Variants in CCNK observed in about 807,000 individuals in gnomAD.
CCNK encodes cyclin K, also known as cyclin-K.
A neutral mutation model predicts 65.0 loss-of-function variants in CCNK; 9 were observed. The observed-to-expected ratio is 0.14, with a 90% CI of 0.08 to 0.24. CCNK has a LOEUF of 0.24. Ranked by LOEUF, CCNK falls within the 10% of genes least tolerant of loss-of-function variation. The pLI is 1.00. For missense variants in CCNK, 474 were observed against 720.0 expected (o/e 0.66, Z 3.91); for synonymous variants, 279 against 270.8 (o/e 1.03, Z -0.30).
In CCNK at chr14:99,483,115, C is replaced by G. The variant is rs139130219; in HGVS notation, c.-53+1636C>G. On this transcript the variant is annotated intron_variant, in intron 1 of 10. Coordinates refer to ENST00000389879, the MANE Select transcript of CCNK (RefSeq NM_001099402.2). Reference sequence around the variant, plus strand: ...AGAATCTGGTAAATGTCTGTTTTCACATAGAACCATTCGATGGCTCTTGGC... The same window carrying G: ...AGAATCTGGTAAATGTCTGTTTTCAGATAGAACCATTCGATGGCTCTTGGC... Among the ~76,000 whole-genome samples the G allele has an allele frequency of 1.4e-4, 22 of 152,268 alleles. 1 individual carries two copies. In the East Asian group the frequency reaches 4.2e-3, roughly 29 times the overall value.
intron 1 of CCNK, among the ~76,000 whole-genome samples, chr14:99,489,379 G>T (rs979284233): frequency 6.6e-6 from 1 of 151,944 alleles, no homozygotes; most frequent in Non-Finnish European, 1.5e-5. Context: ...TTAAAATTTC[G>T]TTGGGGCCAG....
At position 99,510,462 on chromosome 14, in the gene CCNK, C is replaced by T; in HGVS notation, c.1423C>T (p.Pro475Ser). The part of the protein sequence containing the change: ...YGPPAHLPYH[P>S]HVYPPNPPPP... The stretch of plus-strand genomic sequence containing the variant: ...CCCACCTGCACACCTGCCCTACCAC[C>T]CCCATGTCTACCCGCCCAACCCGCC... Residue 475 changes from proline (P) to serine (S), a missense_variant, in exon 11 of 11, where the codon CCC becomes TCC. Pro to Ser is a moderately conservative substitution (Grantham distance 74). Coordinates refer to ENST00000389879, the MANE Select transcript of CCNK (RefSeq NM_001099402.2). The T allele has an allele frequency of 1.3e-6, 2 of 1,522,128 alleles. No individual in the cohort carries two copies. Among genetic ancestry groups the T allele is most frequent in the Non-Finnish European group, 1.8e-6 (2 of 1,130,638 alleles). The allele number at this position is 1,522,128 out of a possible 1,614,324, so 94.3% of individuals were successfully genotyped here. A position where few individuals can be genotyped will look rare whatever the true frequency, so the allele number is the denominator to read the frequency against.
chr14:99,510,154 C>A lies in CCNK; in HGVS notation c.1118-3C>A. ...CGGGCACTGATGCGTCTCTCTCCTG[C>A]AGACCGGAAGCCTCCCCTCGCTGCT... On this transcript the variant is annotated splice_polypyrimidine_tract_variant and splice_region_variant and intron_variant, in intron 10 of 10. Transcript: ENST00000389879. 1 of 1,594,036 alleles carries A rather than the reference C, an allele frequency of 6.3e-7. No homozygotes were observed. The highest frequency in any genetic ancestry group is 8.5e-7 in the Non-Finnish European group (1 of 1,174,058).
intron 1 of CCNK, among the ~76,000 whole-genome samples, chr14:99,485,703 A>T (rs1896467932): frequency 6.6e-6 from 1 of 152,142 alleles, no homozygotes; most frequent in Admixed American, 6.5e-5. Flanking sequence ...CAAAAGAATA[A>T]CCTATTTCCA....
At chr14:99,503,527 A>AT in intron 8 of CCNK, 84 bp from the exon 9 acceptor site, 7 of 1,228,958 alleles carry the variant, frequency 5.7e-6, no homozygotes, top group Non-Finnish European at 6.9e-6. Context: ...GCCGTCGCTG[A>AT]TTCTGGTGGT....
intron 3 of CCNK, 120 bp downstream of exon 3, chr14:99,493,715 GTATATA>G (rs1379233659): frequency 1.3e-5 from 8 of 621,564 alleles, no homozygotes; most frequent in Non-Finnish European, 1.6e-5. Context: ...TTTTTATATG[GTATATA>G]CTGCATATAA....
At chr14:99,497,978 T>G (rs1014387385) in intron 4 of CCNK, among the ~76,000 whole-genome samples, 1 of 152,158 alleles carries the variant, frequency 6.6e-6, no homozygotes, top group Admixed American at 6.5e-5. Context: ...TTTTACTGAG[T>G]AGTGGGGCCC....
chr14:99,496,086 A>G (rs1325197117), intron 4 of CCNK, among the ~76,000 whole-genome samples: 2 of 152,206 alleles, frequency 1.3e-5, no homozygotes, highest in Non-Finnish European at 2.9e-5. Context: ...TTATGCACCC[A>G]GAGCTTGATA....
chr14:99,503,760 G>A (rs888990317), intron 9 of CCNK, 116 bp downstream of exon 9: 2 of 872,040 alleles, frequency 2.3e-6, no homozygotes, highest in Admixed American at 5.4e-5. Context: ...TAACTTTAGA[G>A]CTCATACAAA....
At chr14:99,507,246 A>C in intron 10 of CCNK, 99 bp downstream of exon 10, 2 of 794,168 alleles carry the variant, frequency 2.5e-6, no homozygotes, top group South Asian at 2.7e-5. Context: ...ACTGGGGCCC[A>C]GATTGACAAT....
In CCNK at chr14:99,510,736, G is replaced by T; in HGVS notation, c.1697G>T (p.Gly566Val). ...GTGCCCCCGCCCATTCCCCCACCCGGCATGCCTCCAGTTGGGGGGCTGGGG... is the reference window on the plus strand; with the variant it reads ...GTGCCCCCGCCCATTCCCCCACCCGTCATGCCTCCAGTTGGGGGGCTGGGG... ...PPVPPPIPPP[G>V]MPPVGGLGRA... is the part of the protein sequence containing the mutation. Residue 566 changes from glycine to valine, a missense_variant, in exon 11 of 11, where the codon GGC (glycine) becomes GTC (valine). By Grantham distance (109) the Gly-to-Val change is moderately radical. Transcript: ENST00000389879. The T allele has an allele frequency of 6.9e-7, 1 of 1,450,640 alleles. No individual in the cohort carries two copies. Among genetic ancestry groups the T allele is most frequent in the Non-Finnish European group, 9.1e-7 (1 of 1,102,054 alleles). The allele number at this position is 1,450,640 out of a possible 1,614,324, so 89.9% of individuals were successfully genotyped here.
chr14:99,492,775 A>G lies in CCNK; in HGVS notation c.98A>G (p.His33Arg). Residue 33 changes from histidine to arginine, a missense_variant, in exon 2 of 11, where the codon CAT becomes CGT. Physicochemically the swap from His to Arg is conservative, Grantham distance 29 (BLOSUM62 0). Coordinates refer to ENST00000389879, the MANE Select transcript of CCNK (RefSeq NM_001099402.2). ...CWYWDKKDLA[H>R]TPSQLEGLDP... Reference sequence around the variant, plus strand: ...TACTGGGATAAGAAAGACTTGGCTCATACACCCTCACAACTTGAAGGACTT... The same window carrying G: ...TACTGGGATAAGAAAGACTTGGCTCGTACACCCTCACAACTTGAAGGACTT... 2 of 1,613,622 alleles carry G rather than the reference A, an allele frequency of 1.2e-6. No individual in the cohort carries two copies. The highest frequency in any genetic ancestry group is 1.1e-5 in the South Asian group (1 of 91,014).
chr14:99,483,881 A>C (rs1345982819), intron 1 of CCNK, among the ~76,000 whole-genome samples: 4 of 152,236 alleles, frequency 2.6e-5, no homozygotes, highest in Admixed American at 2.6e-4. Context: ...TAAATAGATA[A>C]GCAGCGTGAT....
At chr14:99,495,965 T>G (rs1414560384) in intron 4 of CCNK, among the ~76,000 whole-genome samples, 1 of 152,156 alleles carries the variant, frequency 6.6e-6, no homozygotes, top group Non-Finnish European at 1.5e-5. Flanking sequence ...CCAGCTAGCT[T>G]CTGGGTCAAA....
At chr14:99,493,084 C>G in intron 2 of CCNK, 1 of 534,740 alleles carries the variant, frequency 1.9e-6, no homozygotes. Flanking sequence ...GGTGGCCAGC[C>G]AGGAGGATAT....
chr14:99,486,130 T>A (rs1297340621), intron 1 of CCNK, among the ~76,000 whole-genome samples: 1 of 152,190 alleles, frequency 6.6e-6, no homozygotes, highest in Admixed American at 6.5e-5. Flanking sequence ...AAAGTAAACT[T>A]TCCTTAGTTC....
rs542787565 is a variant in CCNK, at chr14:99,510,783, C to T, written c.*1C>T. 89 of 1,432,500 alleles carry T rather than the reference C, an allele frequency of 6.2e-5. No homozygotes were observed. Among genetic ancestry groups the T allele is most frequent in the Non-Finnish European group, 7.6e-5 (83 of 1,093,834 alleles). 88.7% of individuals were successfully genotyped at this position (1,432,500 alleles called of 1,614,324 possible). On this transcript the variant is annotated 3_prime_UTR_variant, in exon 11 of 11. Transcript: ENST00000389879. The stretch of plus-strand genomic sequence containing the variant: ...GGGGCGGGCAGCCTGGATGAGATAA[C>T]GTGAGCCTTTTTTCCCTCTTTGTTT...
In CCNK at chr14:99,511,036, G is replaced by A. The variant is rs1221773317; in HGVS notation, c.*254G>A. 31 of 337,550 alleles carry A rather than the reference G, an allele frequency of 9.2e-5. 1 individual carries two copies. The East Asian group carries it at 1.3e-3, about 15-fold the overall frequency. 20.9% of individuals were successfully genotyped at this position (337,550 alleles called of 1,614,324 possible). A position where few individuals can be genotyped will look rare whatever the true frequency, so the allele number is the denominator to read the frequency against. ...CACTTGGTTCAGCTAATGTCTGAGAGTCCTGCACTGGGTTACTTTATACTA... is the reference window on the plus strand; with the variant it reads ...CACTTGGTTCAGCTAATGTCTGAGAATCCTGCACTGGGTTACTTTATACTA... On this transcript the variant is annotated 3_prime_UTR_variant, in exon 11 of 11. Coordinates refer to ENST00000389879, the MANE Select transcript of CCNK (RefSeq NM_001099402.2).
intron 6 of CCNK, chr14:99,501,912 G>A (rs1189838664): frequency 3.9e-6 from 1 of 256,456 alleles, no homozygotes; most frequent in Non-Finnish European, 7.4e-6. Flanking sequence ...ACAGTTGAGT[G>A]GCTAGGATTT....
Sources: allele counts gnomAD v4.1 joint callset (sites outside exome capture counted in the v4.1 genomes callset), GRCh38; gene constraint gnomAD v4.1.1; transcripts MANE v1.5; gene names NCBI Gene and HGNC (gene_info 2026-07-23, HGNC 2026-07-21).